NSUN3: variants seen among roughly 807,000 people sequenced by gnomAD.
NSUN3 encodes the protein NOP2/Sun RNA methyltransferase 3.
NSUN3 carries 24 observed loss-of-function variants against 36.8 expected under a neutral mutation model. That is an observed-to-expected ratio of 0.65 (90% CI 0.47 to 0.92). The LOEUF (loss-of-function observed/expected upper bound fraction) is 0.92, where lower values mean the gene tolerates loss of function less well. Ranked by LOEUF, NSUN3 falls within the 40% of genes least tolerant of loss-of-function variation. NSUN3 has a pLI of 0.00. For synonymous variants in NSUN3, 146 were observed against 145.2 expected, an observed-to-expected ratio of 1.01 and a Z score of -0.04; for missense variants, 381 against 392.8, an observed-to-expected ratio of 0.97 and a Z score of 0.25.
chr3:94,067,735 T>C (rs965264735), intron 2 of NSUN3, among the ~76,000 whole-genome samples: 5 of 152,128 alleles, frequency 3.3e-5, no homozygotes, highest in Admixed American at 1.3e-4. Context: ...TTTCCATTTA[T>C]ATATAGGAAA....
At chr3:94,076,083 A>C in intron 2 of NSUN3, 1 of 1,555,718 alleles carries the variant, frequency 6.4e-7, no homozygotes, top group Non-Finnish European at 8.9e-7. Context: ...CCATGAATAA[A>C]CAACAACTCT....
chr3:94,097,690 T>C (rs2077348815), intron 5 of NSUN3, among the ~76,000 whole-genome samples: 1 of 152,198 alleles, frequency 6.6e-6, no homozygotes. Flanking sequence ...CTGGACTTTG[T>C]TTACTGCTTG....
rs552247412 is a variant in NSUN3 at position 94,109,994 on chromosome 3, A to T, written c.743+14840A>T. 4.0e-4 allele frequency among the ~76,000 whole-genome samples: 61 copies of T among 152,174 alleles called. 1 individual carries two copies. The South Asian group carries it at 8.5e-3, about 21-fold the overall frequency. On this transcript the variant is annotated intron_variant, in intron 5 of 5. Transcript: ENST00000314622. ...TTAAAAAGGTAATGAAATAGCATGT[A>T]CTCTTTTATCTGGAATTTTTCTCTC...
intron 5 of NSUN3, among the ~76,000 whole-genome samples, chr3:94,098,885 C>A (rs1576093143): frequency 6.6e-6 from 1 of 152,072 alleles, no homozygotes; most frequent in East Asian, 1.9e-4. Context: ...CTTAAAGATA[C>A]ATTTATTGTC....
chr3:94,117,190 A>T (rs562489818), intron 5 of NSUN3, among the ~76,000 whole-genome samples: 1 of 151,802 alleles, frequency 6.6e-6, no homozygotes, highest in Admixed American at 6.6e-5. Context: ...GGTAGAGACG[A>T]GTTTTCACCA....
At chr3:94,107,036 A>T (rs974087911) in intron 5 of NSUN3, among the ~76,000 whole-genome samples, 2 of 151,772 alleles carry the variant, frequency 1.3e-5, no homozygotes, top group African/African-American at 4.8e-5. Flanking sequence ...GCCACCTCCC[A>T]CGCTCAAGCA....
At chr3:94,071,435 A>G (rs2077224456) in intron 2 of NSUN3, among the ~76,000 whole-genome samples, 1 of 152,208 alleles carries the variant, frequency 6.6e-6, no homozygotes, top group African/African-American at 2.4e-5. Context: ...CCTGTTAAAG[A>G]TGAGTCAGTC....
chr3:94,087,602 T>G (rs1180097645), intron 3 of NSUN3, among the ~76,000 whole-genome samples: 1 of 152,216 alleles, frequency 6.6e-6, no homozygotes, highest in African/African-American at 2.4e-5. Context: ...GCTTGGTAGA[T>G]TGTCTTAGTC....
In NSUN3 at chr3:94,092,919, C is replaced by CAAAAAA. The variant is rs1161530879; in HGVS notation, c.467-1200_467-1195dup. 3.5e-3 allele frequency among the ~76,000 whole-genome samples: 85 copies of CAAAAAA among 24,602 alleles called. 1 individual carries two copies. The highest frequency in any genetic ancestry group is 6.3e-3 in the African/African-American group (37 of 5,862). The allele number at this position is 24,602 out of a possible 152,430, so 16.1% of individuals were successfully genotyped here. On this transcript the variant is annotated intron_variant, in intron 3 of 5. Coordinates refer to ENST00000314622, the MANE Select transcript of NSUN3 (RefSeq NM_022072.5). The stretch of plus-strand genomic sequence containing the variant: ...TGGGCAACAGAGCGAGACTGCATCT[C>CAAAAAA]AAAAAAAAAAAAAAAAAAAAAAAAA...
At chr3:94,068,683 A>C (rs1560028443) in intron 2 of NSUN3, among the ~76,000 whole-genome samples, 3 of 152,198 alleles carry the variant, frequency 2.0e-5, no homozygotes, top group Non-Finnish European at 1.5e-5. Flanking sequence ...TATAGAAAGC[A>C]AAACAAACAG....
At chr3:94,076,116 C>G (rs776900931) in intron 2 of NSUN3, 19 of 1,435,786 alleles carry the variant, frequency 1.3e-5, no homozygotes, top group Admixed American at 3.3e-5. Context: ...TCTGCATCTT[C>G]TGGGGATTGT....
intron 2 of NSUN3, among the ~76,000 whole-genome samples, chr3:94,070,755 C>G (rs974557284): frequency 1.3e-5 from 2 of 152,162 alleles, no homozygotes; most frequent in Non-Finnish European, 2.9e-5. Flanking sequence ...TCCAGGTATT[C>G]AAAACCTCCA....
intron 5 of NSUN3, among the ~76,000 whole-genome samples, chr3:94,098,541 C>T (rs568328770): frequency 2.2e-4 from 34 of 152,146 alleles, no homozygotes; most frequent in Admixed American, 3.9e-4. Context: ...ATTTGCTAGA[C>T]GAATTCTAAA....
intron 3 of NSUN3, among the ~76,000 whole-genome samples, chr3:94,092,786 G>C (rs560769758): frequency 1.5e-4 from 23 of 151,836 alleles, no homozygotes; most frequent in African/African-American, 5.5e-4. Context: ...CAGACGTGGT[G>C]ACGCACACCT....
intron 2 of NSUN3, chr3:94,081,980 A>T (rs2077270717): frequency 6.6e-6 from 1 of 152,242 alleles, no homozygotes; most frequent in Admixed American, 6.5e-5. Context: ...TTCTGAAGAA[A>T]AAAAGAAGAA....
intron 5 of NSUN3, among the ~76,000 whole-genome samples, chr3:94,113,907 C>A (rs968747173): frequency 3.3e-5 from 5 of 152,162 alleles, no homozygotes; most frequent in Non-Finnish European, 7.3e-5. Flanking sequence ...ACACAACTAT[C>A]ATTTAAATGC....
At chr3:94,110,881 G>C (rs1292190430) in intron 5 of NSUN3, among the ~76,000 whole-genome samples, 1 of 151,918 alleles carries the variant, frequency 6.6e-6, no homozygotes, top group Non-Finnish European at 1.5e-5. Flanking sequence ...TTGCAATGCA[G>C]ATTAAACAGC....
intron 2 of NSUN3, among the ~76,000 whole-genome samples, chr3:94,070,719 C>T (rs1279492580): frequency 6.6e-6 from 1 of 152,194 alleles, no homozygotes; most frequent in Non-Finnish European, 1.5e-5. Context: ...CACACTTGCA[C>T]CATTCTGGCT....
intron 2 of NSUN3, among the ~76,000 whole-genome samples, chr3:94,067,204 C>T (rs1352774809): frequency 1.3e-5 from 2 of 152,168 alleles, no homozygotes; most frequent in Admixed American, 1.3e-4. Flanking sequence ...TGGCAATACT[C>T]TTGTGCATAC....
Sources: gnomAD v4.1 joint callset for allele counts (sites outside exome capture counted in the v4.1 genomes callset) on GRCh38, gnomAD v4.1.1 for gene constraint, MANE v1.5 for transcripts, NCBI Gene and HGNC (gene_info 2026-07-23, HGNC 2026-07-21) for gene names.